Variants in L3MBTL3 observed in about 807,000 individuals in gnomAD.
L3MBTL3 encodes the protein L3MBTL histone methyl-lysine binding protein 3.
A neutral mutation model predicts 102.3 loss-of-function variants in L3MBTL3; 27 were observed. That is an observed-to-expected ratio of 0.26 (90% confidence interval 0.19 to 0.36). L3MBTL3 has a LOEUF of 0.36. Ranked by LOEUF, L3MBTL3 falls within the 10% of genes least tolerant of loss-of-function variation. The pLI, the probability that L3MBTL3 is intolerant of heterozygous loss-of-function variation, is 1.00. For synonymous variants in L3MBTL3, 340 were observed against 320.9 expected, an observed-to-expected ratio of 1.06 and a Z score of -0.64; for missense variants, 798 against 955.3, an observed-to-expected ratio of 0.84 and a Z score of 2.17.
chr6:130,072,175 C>A (rs1782679962), intron 13 of L3MBTL3, among the ~76,000 whole-genome samples: 1 of 151,470 alleles, frequency 6.6e-6, no homozygotes, highest in Admixed American at 6.6e-5. Flanking sequence ...AAAAATAATA[C>A]AAATACAAAT....
At chr6:130,110,010 A>C (rs769194151) in intron 19 of L3MBTL3, among the ~76,000 whole-genome samples, 1 of 152,120 alleles carries the variant, frequency 6.6e-6, no homozygotes, top group Non-Finnish European at 1.5e-5. Flanking sequence ...ATAGTTGTAC[A>C]TGTGTGGTGT....
intron 16 of L3MBTL3, among the ~76,000 whole-genome samples, chr6:130,090,830 T>C (rs1175993081): frequency 6.6e-6 from 1 of 152,044 alleles, no homozygotes; most frequent in African/African-American, 2.4e-5. Flanking sequence ...CTAGTGATCC[T>C]CCCTCCTTGG....
chr6:130,123,368 GT>G (rs1010515595), intron 20 of L3MBTL3, among the ~76,000 whole-genome samples: 1 of 151,508 alleles, frequency 6.6e-6, no homozygotes. Context: ...TATTTTTATT[GT>G]TTTTTTACCT....
chr6:130,038,018 CAT>C (rs761732234), intron 2 of L3MBTL3, among the ~76,000 whole-genome samples: 13 of 151,638 alleles, frequency 8.6e-5, no homozygotes, highest in Non-Finnish European at 1.9e-4. Context: ...TGAATGAGAA[CAT>C]GTGATATTTG....
chr6:130,033,512 G>T (rs187161233), intron 2 of L3MBTL3, among the ~76,000 whole-genome samples: 1 of 152,230 alleles, frequency 6.6e-6, no homozygotes, highest in East Asian at 1.9e-4. Flanking sequence ...ATTTTTGTTT[G>T]GTTCATAGTA....
chr6:130,057,360 G>A (rs758696138), intron 8 of L3MBTL3, 46 bp from the exon 9 acceptor site: 2 of 1,484,482 alleles, frequency 1.3e-6, no homozygotes, highest in Non-Finnish European at 1.9e-6. Context: ...ATCACTGCTG[G>A]CTTAGATTTG....
At chr6:130,073,683 G>A (rs530637366) in intron 13 of L3MBTL3, among the ~76,000 whole-genome samples, 1 of 152,002 alleles carries the variant, frequency 6.6e-6, no homozygotes, top group Non-Finnish European at 1.5e-5. Context: ...AGAAGAATTC[G>A]CCATGTTCAT....
intron 18 of L3MBTL3, among the ~76,000 whole-genome samples, chr6:130,096,488 G>A (rs1044842341): frequency 6.6e-6 from 1 of 152,192 alleles, no homozygotes; most frequent in Non-Finnish European, 1.5e-5. Context: ...AATTGGAGGT[G>A]AAACAAAACT....
At chr6:130,049,543 G>A (rs1265487968) in intron 4 of L3MBTL3, 150 bp downstream of exon 4, 9 of 708,792 alleles carry the variant, frequency 1.3e-5, no homozygotes, top group Middle Eastern at 5.0e-4. Flanking sequence ...GAAACTGATA[G>A]GAGCCAGCAT....
chr6:130,057,720 T>C (rs1456601063), intron 9 of L3MBTL3, among the ~76,000 whole-genome samples: 1 of 152,208 alleles, frequency 6.6e-6, no homozygotes, highest in Non-Finnish European at 1.5e-5. Flanking sequence ...CGTGTGCTCT[T>C]CTCTCTCAGC....
chr6:130,053,897 A>G (rs533525998), intron 7 of L3MBTL3, among the ~76,000 whole-genome samples: 26 of 152,360 alleles, frequency 1.7e-4, no homozygotes, highest in African/African-American at 5.3e-4. Flanking sequence ...AATAGATGAC[A>G]TAGAGTCTCT....
intron 9 of L3MBTL3, among the ~76,000 whole-genome samples, chr6:130,058,848 A>G (rs1373792678): frequency 6.6e-6 from 1 of 152,196 alleles, no homozygotes; most frequent in Non-Finnish European, 1.5e-5. Flanking sequence ...AAATTATTTC[A>G]TTATATTTAA....
At chr6:130,104,041 C>T (rs937966113) in intron 18 of L3MBTL3, among the ~76,000 whole-genome samples, 2 of 152,168 alleles carry the variant, frequency 1.3e-5, no homozygotes, top group African/African-American at 2.4e-5. Flanking sequence ...CCTTAGGAAG[C>T]AGAAGCAAAT....
chr6:130,034,966 A>C (rs1274901921), intron 2 of L3MBTL3, among the ~76,000 whole-genome samples: 1 of 152,208 alleles, frequency 6.6e-6, no homozygotes, highest in Non-Finnish European at 1.5e-5. Flanking sequence ...ATGAATGTGC[A>C]TGTATAGTTA....
intron 2 of L3MBTL3, among the ~76,000 whole-genome samples, chr6:130,029,481 C>A (rs561347184): frequency 6.6e-6 from 1 of 152,152 alleles, no homozygotes; most frequent in Non-Finnish European, 1.5e-5. Context: ...TGAGTAGTTT[C>A]TCAGAAATTA....
intron 2 of L3MBTL3, among the ~76,000 whole-genome samples, chr6:130,033,930 C>A (rs1410563007): frequency 6.6e-6 from 1 of 152,220 alleles, no homozygotes; most frequent in Non-Finnish European, 1.5e-5. Context: ...TACCCTTTCT[C>A]AGTAATCCAA....
intron 18 of L3MBTL3, among the ~76,000 whole-genome samples, chr6:130,095,815 A>G (rs140714052): frequency 6.6e-6 from 1 of 152,256 alleles, no homozygotes; most frequent in African/African-American, 2.4e-5. Flanking sequence ...CTGCTTTTAT[A>G]ACAACCGCTC....
At chr6:130,124,221 G>T (rs1225767810) in intron 20 of L3MBTL3, among the ~76,000 whole-genome samples, 1 of 152,154 alleles carries the variant, frequency 6.6e-6, no homozygotes, top group Non-Finnish European at 1.5e-5. Flanking sequence ...GGGCAAGGAA[G>T]CTCCCTTTGG....
chr6:130,075,366 T>A (rs941282322), intron 13 of L3MBTL3, among the ~76,000 whole-genome samples: 1 of 151,910 alleles, frequency 6.6e-6, no homozygotes, highest in Non-Finnish European at 1.5e-5. Flanking sequence ...TACTTAGAGG[T>A]TGGGATGGAA....
Sources: allele counts gnomAD v4.1 joint callset (sites outside exome capture counted in the v4.1 genomes callset), GRCh38; gene constraint gnomAD v4.1.1; transcripts MANE v1.5; gene names NCBI Gene and HGNC (gene_info 2026-07-23, HGNC 2026-07-21).